Variants in MTRFR observed in about 807,000 individuals in gnomAD.
MTRFR encodes probable peptide chain release factor C12orf65, mitochondrial.
MTRFR carries 10 observed loss-of-function variants against 11.9 expected under a neutral mutation model. The observed-to-expected ratio is 0.84, with a 90% CI of 0.52 to 1.42. The LOEUF is 1.42. Ranked by LOEUF, MTRFR falls within the 40% of genes most tolerant of loss-of-function variation. The pLI, the probability that MTRFR is intolerant of heterozygous loss-of-function variation, is 0.00. For missense variants in MTRFR, 196 were observed against 197.9 expected (o/e 0.99, Z 0.06); for synonymous variants, 77 against 79.1 (o/e 0.97, Z 0.14).
At chr12:123,234,395 G>T (rs1241890224) in intron 1 of MTRFR, among the ~76,000 whole-genome samples, 2 of 150,088 alleles carry the variant, frequency 1.3e-5, no homozygotes, top group Non-Finnish European at 3.0e-5. Context: ...TTTTATTTTT[G>T]TGGGGGAGGG....
At chr12:123,252,779 G>T (rs2138789863) in intron 1 of MTRFR, among the ~76,000 whole-genome samples, 1 of 152,174 alleles carries the variant, frequency 6.6e-6, no homozygotes, top group East Asian at 1.9e-4. Context: ...ACAAAAATTA[G>T]CCGGGTGTGG....
chr12:123,256,888 T>C lies in MTRFR; in HGVS notation c.358T>C (p.Tyr120His). The C allele has an allele frequency of 6.2e-7, 1 of 1,613,562 alleles. No homozygotes were observed. Among genetic ancestry groups the C allele is most frequent in the Non-Finnish European group, 8.5e-7 (1 of 1,179,648 alleles). ...CCTACAAGAGAAAGTAGATGTTTTCTACAATGGTGAAAACAGTCCTGTTCA... is the reference window on the plus strand; with the variant it reads ...CCTACAAGAGAAAGTAGATGTTTTCCACAATGGTGAAAACAGTCCTGTTCA... ...KILQEKVDVF[Y>H]NGENSPVHKE... The change falls in exon 3 of 3, where the codon TAC becomes CAC. Residue 120 changes from tyrosine to histidine, a missense_variant. Transcript: ENST00000253233.
At chr12:123,242,208 G>A (rs1194449197) in intron 1 of MTRFR, among the ~76,000 whole-genome samples, 4 of 152,150 alleles carry the variant, frequency 2.6e-5, no homozygotes, top group African/African-American at 4.8e-5. Context: ...CCTTAACTGC[G>A]ATCAGCCATT....
intron 1 of MTRFR, among the ~76,000 whole-genome samples, chr12:123,239,762 ATTTT>A (rs1175821697): frequency 6.6e-5 from 10 of 151,996 alleles, no homozygotes; most frequent in Non-Finnish European, 1.5e-4. Flanking sequence ...CAGAGGTGAC[ATTTT>A]TTATTTTTTT....
At chr12:123,233,280 G>C (rs2047754401), upstream of MTRFR, 1 of 152,320 alleles carries the variant, frequency 6.6e-6, no homozygotes, top group African/African-American at 2.4e-5. Context: ...CCCCGGGGGA[G>C]TGACAAGGGG....
At position 123,257,093 on chromosome 12, in the gene MTRFR, C is replaced by G; in HGVS notation, c.*62C>G. The G allele has an allele frequency of 8.1e-7, 1 of 1,241,986 alleles. No individual in the cohort carries two copies. Among genetic ancestry groups the G allele is most frequent in the Non-Finnish European group, 1.2e-6 (1 of 853,406 alleles). 76.9% of individuals were successfully genotyped at this position (1,241,986 alleles called of 1,614,324 possible). On this transcript the variant is annotated 3_prime_UTR_variant, in exon 3 of 3. Transcript: ENST00000253233. ...AGAAGCTCCCAGGGAATAATGGTGG[C>G]GAGTTCCATCACCAGCATTATTATA...
At position 123,257,899 on chromosome 12, in the gene MTRFR, ATG is replaced by A. The variant is rs898316920; in HGVS notation, c.*870_*871del. The stretch of plus-strand genomic sequence containing the variant: ...TCAAATTGTACCTTTGTGAGATTGT[ATG>A]TTTTGTAATAATAAAATTTTTTTTG... On this transcript the variant is annotated 3_prime_UTR_variant, in exon 3 of 3. Transcript: ENST00000253233. The A allele has an allele frequency of 6.6e-6, 1 of 152,232 alleles. No individual in the cohort carries two copies. The highest frequency in any genetic ancestry group is 2.4e-5 in the African/African-American group (1 of 41,460). The allele number at this position is 152,232 out of a possible 1,614,324, so 9.4% of individuals were successfully genotyped here. A position where few individuals can be genotyped will look rare whatever the true frequency, so the allele number is the denominator to read the frequency against.
chr12:123,238,774 G>A (rs1044037073), intron 1 of MTRFR, among the ~76,000 whole-genome samples: 1 of 152,084 alleles, frequency 6.6e-6, no homozygotes, highest in African/African-American at 2.4e-5. Context: ...TCAGAGCAGG[G>A]CCTGAAATCT....
chr12:123,237,313 C>G (rs2047866889), intron 1 of MTRFR, among the ~76,000 whole-genome samples: 1 of 152,066 alleles, frequency 6.6e-6, no homozygotes, highest in South Asian at 2.1e-4. Context: ...GCCTGTAGTC[C>G]CAGATACTCA....
At chr12:123,250,615 T>C (rs567921068) in intron 1 of MTRFR, 2 of 152,298 alleles carry the variant, frequency 1.3e-5, no homozygotes, top group African/African-American at 2.4e-5. Flanking sequence ...CTTGCAGTGA[T>C]TGTTGTCTCT....
At chr12:123,234,877 G>T (rs560734326) in intron 1 of MTRFR, among the ~76,000 whole-genome samples, 1 of 152,276 alleles carries the variant, frequency 6.6e-6, no homozygotes, top group Non-Finnish European at 1.5e-5. Flanking sequence ...GATCTCCTTA[G>T]TACCTGATTT....
intron 1 of MTRFR, among the ~76,000 whole-genome samples, chr12:123,239,483 A>G (rs1038595432): frequency 1.3e-5 from 2 of 151,846 alleles, no homozygotes; most frequent in African/African-American, 2.4e-5. Context: ...GCTCACCGCA[A>G]TCTCCACCTC....
intron 1 of MTRFR, among the ~76,000 whole-genome samples, chr12:123,243,256 C>T (rs1282779716): frequency 1.3e-5 from 2 of 149,404 alleles, no homozygotes; most frequent in Non-Finnish European, 3.0e-5. Context: ...TTTGGCTGGG[C>T]GCAATGGCTC....
At chr12:123,250,255 C>T (rs1201714784) in intron 1 of MTRFR, 1 of 152,166 alleles carries the variant, frequency 6.6e-6, no homozygotes, top group Admixed American at 6.6e-5. Flanking sequence ...CTATCTATTT[C>T]CCTGAGTGAT....
chr12:123,233,269 A>AC (rs2047754118), upstream of MTRFR: 1 of 151,986 alleles, frequency 6.6e-6, no homozygotes, highest in African/African-American at 2.4e-5. Context: ...GAGACATCCA[A>AC]CCCCGGGGGA....
intron 1 of MTRFR, chr12:123,251,574 T>G (rs1289992947): frequency 6.6e-6 from 1 of 152,266 alleles, no homozygotes; most frequent in African/African-American, 2.4e-5. Flanking sequence ...CCAGGTAAAG[T>G]TGGAAATTTC....
chr12:123,255,917 C>T (rs556509109), intron 2 of MTRFR, among the ~76,000 whole-genome samples: 4 of 152,100 alleles, frequency 2.6e-5, no homozygotes, highest in Non-Finnish European at 4.4e-5. Context: ...TGAGCCACCA[C>T]GTCCGGCCAT....
intron 1 of MTRFR, chr12:123,252,510 A>G (rs1478411409): frequency 6.6e-6 from 1 of 152,142 alleles, no homozygotes; most frequent in Non-Finnish European, 1.5e-5. Context: ...CAGTGCGTCC[A>G]GGGAACAGAT....
At chr12:123,252,642 T>TGG (rs2138789572) in intron 1 of MTRFR, 1 of 91,714 alleles carries the variant, frequency 1.1e-5, no homozygotes, top group Non-Finnish European at 2.3e-5. Flanking sequence ...CAGCCCTGGG[T>TGG]GGGGGTGGGG....
Sources: allele counts gnomAD v4.1 joint callset (sites outside exome capture counted in the v4.1 genomes callset), GRCh38; gene constraint gnomAD v4.1.1; transcripts MANE v1.5; gene names NCBI Gene and HGNC (gene_info 2026-07-23, HGNC 2026-07-21).